ROBO1: variants seen among roughly 807,000 people sequenced by gnomAD.
ROBO1 encodes the protein roundabout guidance receptor 1.
Under a neutral mutation model 195.9 loss-of-function variants are expected in ROBO1, and 149 were observed. The observed-to-expected ratio is 0.76, with a 90% CI of 0.67 to 0.87. ROBO1 has a LOEUF of 0.87. ROBO1 is among the 40% of genes least tolerant of loss of function. The pLI, the probability that ROBO1 is intolerant of heterozygous loss-of-function variation, is 0.00. For missense variants in ROBO1, 1,933 were observed against 2,068.3 expected, an observed-to-expected ratio of 0.93 and a Z score of 1.27; for synonymous variants, 816 against 733.2, an observed-to-expected ratio of 1.11 and a Z score of -1.82.
chr3:79,572,080 C>A (rs1195265880), intron 2 of ROBO1, among the ~76,000 whole-genome samples: 1 of 151,958 alleles, frequency 6.6e-6, no homozygotes, highest in Non-Finnish European at 1.5e-5. Flanking sequence ...TGCAGCGCAC[C>A]AGCATGGCAC....
At chr3:79,398,356 A>G (rs2106763032) in intron 2 of ROBO1, among the ~76,000 whole-genome samples, 1 of 152,286 alleles carries the variant, frequency 6.6e-6, no homozygotes, top group South Asian at 2.1e-4. Flanking sequence ...TTAGACTTTT[A>G]TATATTGAAG....
rs1489805569 is a variant in ROBO1 at position 78,606,818 on chromosome 3, T to C, written c.4659A>G (p.Ala1553=). The C allele has an allele frequency of 2.5e-6, 4 of 1,613,972 alleles. No individual in the cohort carries two copies. Among genetic ancestry groups the C allele is most frequent in the South Asian group, 1.1e-5 (1 of 91,084 alleles). ...CTTTCCCGTCATTTTGCTGTTCCTGTGCTTCTCTGGGATCACCTGGATTTG... is the reference window on the plus strand; with the variant it reads ...CTTTCCCGTCATTTTGCTGTTCCTGCGCTTCTCTGGGATCACCTGGATTTG... The part of the protein sequence containing the change: ...MRTNPGDPRE[A]QEQQNDGKGR... Residue 1553 remains alanine (A), a synonymous_variant, in exon 29 of 31, where the codon GCA becomes GCG. Transcript: ENST00000464233.
intron 8 of ROBO1, among the ~76,000 whole-genome samples, chr3:78,707,661 A>G (rs2081585546): frequency 6.6e-6 from 1 of 152,208 alleles, no homozygotes; most frequent in African/African-American, 2.4e-5. Flanking sequence ...CAGAAATCCC[A>G]TTCATCTGAT....
At chr3:79,483,258 G>A (rs536428151) in intron 2 of ROBO1, among the ~76,000 whole-genome samples, 16 of 152,290 alleles carry the variant, frequency 1.1e-4, no homozygotes, top group Non-Finnish European at 2.1e-4. Flanking sequence ...ATGAAAGATT[G>A]TTAATTCTGT....
At chr3:78,673,566 A>ATATT in intron 10 of ROBO1, among the ~76,000 whole-genome samples, 1 of 26,292 alleles carries the variant, frequency 3.8e-5, no homozygotes, top group East Asian at 1.8e-3. Context: ...TATATTTTAT[A>ATATT]TATATATATA....
intron 4 of ROBO1, among the ~76,000 whole-genome samples, chr3:78,766,051 C>T (rs2083221385): frequency 6.6e-6 from 1 of 152,146 alleles, no homozygotes; most frequent in South Asian, 2.1e-4. Flanking sequence ...AAAAAAGTTA[C>T]TATTTGTATG....
At chr3:79,416,196 A>G (rs1034427573) in intron 2 of ROBO1, among the ~76,000 whole-genome samples, 2 of 152,148 alleles carry the variant, frequency 1.3e-5, no homozygotes, top group African/African-American at 4.8e-5. Flanking sequence ...AAATGCATTT[A>G]CAGAAGTAAG....
chr3:79,526,765 G>T (rs1326276187), intron 2 of ROBO1, among the ~76,000 whole-genome samples: 1 of 152,088 alleles, frequency 6.6e-6, no homozygotes, highest in Non-Finnish European at 1.5e-5. Context: ...GCTTTAATTT[G>T]TAAAGCAGTA....
Position 79,735,888 on chromosome 3 carries a change from A to C in ROBO1, c.-51+31864T>G, listed in dbSNP as rs201907917. ...TCCGTCTCAAAAAAAAAAAAAAAAC[A>C]AAAAAAAAACAAAAAATGCCTGACA... On this transcript the variant is annotated intron_variant, in intron 1 of 30. Coordinates refer to ENST00000464233, the MANE Select transcript of ROBO1 (RefSeq NM_002941.4). Among the ~76,000 whole-genome samples the C allele has an allele frequency of 4.4e-3, 115 of 26,182 alleles. 1 individual carries two copies. Among genetic ancestry groups the C allele is most frequent in the African/African-American group, 0.012 (100 of 8,606 alleles). The allele number at this position is 26,182 out of a possible 152,430, so 17.2% of individuals were successfully genotyped here.
At chr3:79,584,376 A>G (rs937901628) in intron 2 of ROBO1, among the ~76,000 whole-genome samples, 1 of 150,768 alleles carries the variant, frequency 6.6e-6, no homozygotes, top group African/African-American at 2.4e-5. Flanking sequence ...TAAGTAACTG[A>G]CTTCCATTTC....
chr3:79,128,183 C>A (rs1360792765), intron 2 of ROBO1, among the ~76,000 whole-genome samples: 1 of 152,098 alleles, frequency 6.6e-6, no homozygotes, highest in Admixed American at 6.6e-5. Context: ...TGTGTGTTTA[C>A]CATATCTAAA....
chr3:79,251,665 C>A (rs2082732332), intron 2 of ROBO1, among the ~76,000 whole-genome samples: 1 of 152,066 alleles, frequency 6.6e-6, no homozygotes, highest in African/African-American at 2.4e-5. Context: ...GCAGGAGAAT[C>A]CCTTGAACCT....
intron 2 of ROBO1, among the ~76,000 whole-genome samples, chr3:79,174,712 A>G (rs1559713252): frequency 1.3e-5 from 2 of 151,954 alleles, no homozygotes; most frequent in African/African-American, 4.8e-5. Flanking sequence ...AAATACAAAA[A>G]AAAAAACTGG....
chr3:78,956,766 A>T (rs2041069902), intron 3 of ROBO1, among the ~76,000 whole-genome samples: 1 of 152,196 alleles, frequency 6.6e-6, no homozygotes, highest in South Asian at 2.1e-4. Context: ...TCCACAAGGG[A>T]AGGGAGTCTT....
At chr3:79,585,626 G>A (rs1046008014) in intron 2 of ROBO1, among the ~76,000 whole-genome samples, 1 of 151,918 alleles carries the variant, frequency 6.6e-6, no homozygotes, top group East Asian at 1.9e-4. Flanking sequence ...TGTCCTCAGA[G>A]AATAAACATT....
intron 26 of ROBO1, among the ~76,000 whole-genome samples, chr3:78,621,794 T>A (rs910826125): frequency 6.6e-6 from 1 of 152,164 alleles, no homozygotes; most frequent in African/African-American, 2.4e-5. Context: ...TTCATAAACA[T>A]GTTCAAGAGA....
At chr3:78,665,037 G>T (rs1707652508) in intron 14 of ROBO1, among the ~76,000 whole-genome samples, 1 of 152,082 alleles carries the variant, frequency 6.6e-6, no homozygotes, top group African/African-American at 2.4e-5. Context: ...TGTCATGTCT[G>T]CTCTGATGTT....
At chr3:78,627,273 A>G in intron 26 of ROBO1, 48 bp downstream of exon 26, 1 of 1,581,266 alleles carries the variant, frequency 6.3e-7, no homozygotes, top group South Asian at 1.2e-5. Flanking sequence ...TCCACTGAGG[A>G]GTAGAAATTA....
chr3:78,849,486 C>T (rs938622441), intron 4 of ROBO1, among the ~76,000 whole-genome samples: 2 of 152,164 alleles, frequency 1.3e-5, no homozygotes, highest in Admixed American at 1.3e-4. Flanking sequence ...CTTATCACCC[C>T]TTTGGGAGCG....
Sources: allele counts gnomAD v4.1 joint callset (sites outside exome capture counted in the v4.1 genomes callset), GRCh38; gene constraint gnomAD v4.1.1; transcripts MANE v1.5; gene names NCBI Gene and HGNC (gene_info 2026-07-23, HGNC 2026-07-21).